The following RIMS3 variants were observed in gnomAD, a reference collection of about 807,000 sequenced individuals.
RIMS3 encodes the protein regulating synaptic membrane exocytosis protein 3.
RIMS3 carries 15 observed loss-of-function variants against 29.2 expected under a neutral mutation model. The observed-to-expected ratio is 0.51, with a 90% CI of 0.34 to 0.79. The LOEUF (loss-of-function observed/expected upper bound fraction) is 0.79, where lower values mean the gene tolerates loss of function less well. RIMS3 is among the 30% of genes least tolerant of loss of function. The probability of loss-of-function intolerance (pLI) is 0.01; values close to 1 mark genes in which losing one functional copy is unlikely to be tolerated. For synonymous variants in RIMS3, 161 were observed against 170.1 expected, an observed-to-expected ratio of 0.95 and a Z score of 0.41; for missense variants, 342 against 421.4, an observed-to-expected ratio of 0.81 and a Z score of 1.65.
Position 40,623,513 on chromosome 1 carries a change from A to G in RIMS3, c.*3004T>C. 5.0e-6 allele frequency: 2 copies of G among 398,664 alleles called. No homozygotes were observed. 24.7% of individuals were successfully genotyped at this position (398,664 alleles called of 1,614,324 possible). ...TATGCACAGTGAACCTCGCCTGACC[A>G]GAGGAGGTGGAATGACAAAGAGCTC... On this transcript the variant is annotated 3_prime_UTR_variant, in exon 8 of 8. Transcript: ENST00000372684.
At chr1:40,641,471 G>C (rs1282202435) in intron 3 of RIMS3, among the ~76,000 whole-genome samples, 1 of 152,226 alleles carries the variant, frequency 6.6e-6, no homozygotes, top group Admixed American at 6.5e-5. Flanking sequence ...TACTAGTTGT[G>C]CAGTTTGAAG....
Position 40,626,736 on chromosome 1 carries a change from G to A in RIMS3, c.715-7C>T, listed in dbSNP as rs965682188. The A allele has an allele frequency of 6.2e-7, 1 of 1,613,696 alleles. No individual in the cohort carries two copies. The highest frequency in any genetic ancestry group is 8.5e-7 in the Non-Finnish European group (1 of 1,179,854). On this transcript the variant is annotated splice_region_variant and splice_polypyrimidine_tract_variant and intron_variant, in intron 7 of 7. Coordinates refer to ENST00000372684, the MANE Select transcript of RIMS3 (RefSeq NM_014747.3). ...AGTCTCCCCAGACGATCACCTGCCA[G>A]GAGGAAGAGAGGGAGGGAGTGAGCC...
At chr1:40,633,227 G>A (rs1237524575) in intron 4 of RIMS3, 46 bp from the exon 5 acceptor site, 21 of 1,460,526 alleles carry the variant, frequency 1.4e-5, no homozygotes, top group Non-Finnish European at 2.0e-5. Flanking sequence ...AGGGCAACCT[G>A]AGGATGAAAG....
chr1:40,685,112 T>C, the RIMS3 span, among the ~76,000 whole-genome samples: 12 of 151,866 alleles, frequency 7.9e-5, no homozygotes, highest in Non-Finnish European at 1.6e-4. Flanking sequence ...GGGAGATCGC[T>C]GATTGGTCAG....
chr1:40,640,351 C>A (rs1353096940), intron 3 of RIMS3, among the ~76,000 whole-genome samples: 1 of 152,180 alleles, frequency 6.6e-6, no homozygotes, highest in Non-Finnish European at 1.5e-5. Flanking sequence ...CCCTTCCCCA[C>A]CTATAATAGC....
At chr1:40,642,339 G>T (rs752646764) in intron 2 of RIMS3, among the ~76,000 whole-genome samples, 4 of 152,300 alleles carry the variant, frequency 2.6e-5, no homozygotes, top group Middle Eastern at 3.4e-3. Context: ...TCATAGGATT[G>T]TTCTAAGGAT....
chr1:40,653,291 C>T (rs982391583), intron 1 of RIMS3, among the ~76,000 whole-genome samples: 2 of 152,052 alleles, frequency 1.3e-5, no homozygotes, highest in African/African-American at 4.8e-5. Flanking sequence ...GTAGTACCCA[C>T]AGTTAGAGGT....
rs755530679 is a variant in RIMS3 at position 40,641,774 on chromosome 1, G to C, written c.152C>G (p.Ala51Gly). ...TAKKRRSSLG[A>G]KMVAIVGLTQ... is the part of the protein sequence containing the mutation. ...CAGGCCCACGATGGCCACCATCTTG[G>C]CACCCAGGCTGCTCCGCCGCTTCTT... Residue 51 changes from alanine (A) to glycine (G), a missense_variant, in exon 3 of 8, where the codon GCC becomes GGC. Transcript: ENST00000372684. The C allele has an allele frequency of 1.9e-6, 3 of 1,613,718 alleles. 1 individual carries two copies. In the South Asian group the frequency reaches 3.3e-5, roughly 18 times the overall value.
chr1:40,640,690 G>C (rs922626387), intron 3 of RIMS3, among the ~76,000 whole-genome samples: 1 of 152,244 alleles, frequency 6.6e-6, no homozygotes, highest in African/African-American at 2.4e-5. Flanking sequence ...GCTCCTCTGT[G>C]ATGTGGGGTC....
At chr1:40,629,857 A>C (rs1006094600) in intron 5 of RIMS3, among the ~76,000 whole-genome samples, 1 of 152,022 alleles carries the variant, frequency 6.6e-6, no homozygotes, top group African/African-American at 2.4e-5. Flanking sequence ...CGGGCAGATC[A>C]TGAGGTCAGG....
chr1:40,676,846 A>G, the RIMS3 span, among the ~76,000 whole-genome samples: 2 of 152,136 alleles, frequency 1.3e-5, no homozygotes, highest in African/African-American at 4.8e-5. Context: ...TTACTTGATG[A>G]AAAAAACTCA....
intron 1 of RIMS3, among the ~76,000 whole-genome samples, chr1:40,662,090 T>C (rs925535347): frequency 6.6e-6 from 1 of 152,200 alleles, no homozygotes; most frequent in Non-Finnish European, 1.5e-5. Flanking sequence ...CCTAACATTC[T>C]GGGGAAATCT....
Position 40,626,637 on chromosome 1 carries a change from C to G in RIMS3, c.807G>C (p.Ala269=). The G allele has an allele frequency of 6.2e-7, 1 of 1,614,192 alleles. No homozygotes were observed. The highest frequency in any genetic ancestry group is 8.5e-7 in the Non-Finnish European group (1 of 1,180,018). The change falls in exon 8 of 8, where the codon GCG becomes GCC. Residue 269 remains alanine (A), a synonymous_variant. Transcript: ENST00000372684. ...GGAAGAGTTTGTACCAGCCGGTGAC[C>G]GCGGCGCTGAGGTCCAGCTCGTCCA... The part of the protein sequence containing the change: ...IMLDELDLSA[A]VTGWYKLFPT...
At position 40,641,932 on chromosome 1, in the gene RIMS3, C is replaced by T. The variant is rs367628470; in HGVS notation, c.-7G>A. 114 of 1,611,992 alleles carry T rather than the reference C, an allele frequency of 7.1e-5. No individual in the cohort carries two copies. The highest frequency in any genetic ancestry group is 3.6e-4 in the African/African-American group (27 of 75,008). On this transcript the variant is annotated 5_prime_UTR_variant, in exon 3 of 8. Transcript: ENST00000372684. The stretch of plus-strand genomic sequence containing the variant: ...CTGGCTCCCCGTTAAACATGGTCCC[C>T]GGGGTGGCAGGGCCTCAGGCAGCTC...
At chr1:40,631,410 C>T (rs895356910) in intron 5 of RIMS3, among the ~76,000 whole-genome samples, 1 of 152,220 alleles carries the variant, frequency 6.6e-6, no homozygotes, top group Non-Finnish European at 1.5e-5. Flanking sequence ...ATGCTCCAGT[C>T]TCTAATATAA....
intron 2 of RIMS3, among the ~76,000 whole-genome samples, chr1:40,646,586 T>G (rs546433643): frequency 2.0e-5 from 3 of 152,192 alleles, no homozygotes; most frequent in Non-Finnish European, 2.9e-5. Context: ...AAGTTCTTCC[T>G]GCTGACTCCC....
At chr1:40,672,194 A>ATTTTTTT in the RIMS3 span, among the ~76,000 whole-genome samples, 3 of 106,984 alleles carry the variant, frequency 2.8e-5, no homozygotes, top group Admixed American at 1.1e-4. Flanking sequence ...TAGCTAGATG[A>ATTTTTTT]TTTTTTTTTT....
At chr1:40,664,672 C>G (rs1437597096) in intron 1 of RIMS3, among the ~76,000 whole-genome samples, 4 of 152,144 alleles carry the variant, frequency 2.6e-5, no homozygotes, top group Non-Finnish European at 5.9e-5. Context: ...CCTGAGCCTT[C>G]AGGACCAGGA....
chr1:40,639,292 C>T (rs575828095), intron 3 of RIMS3, among the ~76,000 whole-genome samples: 1 of 152,238 alleles, frequency 6.6e-6, no homozygotes, highest in Non-Finnish European at 1.5e-5. Context: ...GCCCATGAGT[C>T]TGCCTCATAT....
Sources: gnomAD v4.1 joint callset for allele counts (sites outside exome capture counted in the v4.1 genomes callset) on GRCh38, gnomAD v4.1.1 for gene constraint, MANE v1.5 for transcripts, NCBI Gene and HGNC (gene_info 2026-07-23, HGNC 2026-07-21) for gene names.